TTC28: variants seen among roughly 807,000 people sequenced by gnomAD.
TTC28 encodes tetratricopeptide repeat protein 28.
A neutral mutation model predicts 198.0 loss-of-function variants in TTC28; 61 were observed. The ratio of observed to expected loss-of-function variants is 0.31; its 90% confidence interval spans 0.25 to 0.38. TTC28 has a LOEUF of 0.38. Ranked by LOEUF, TTC28 falls within the 10% of genes least tolerant of loss-of-function variation. TTC28 has a pLI of 1.00. For synonymous variants in TTC28, 1,171 were observed against 1,297.8 expected, an observed-to-expected ratio of 0.90 and a Z score of 2.10; for missense variants, 2,678 against 3,164.0, an observed-to-expected ratio of 0.85 and a Z score of 3.69.
rs559564968 is a variant in TTC28 at position 28,343,699 on chromosome 22, A to G, written c.382-37056T>C. ...ATTTGTAACATGTGAAAACATCTATAAACATCTACTGGAGCCTGTTCTGTC... is the reference window on the plus strand; with the variant it reads ...ATTTGTAACATGTGAAAACATCTATGAACATCTACTGGAGCCTGTTCTGTC... On this transcript the variant is annotated intron_variant, in intron 2 of 22. Transcript: ENST00000397906. 5.3e-5 allele frequency among the ~76,000 whole-genome samples: 8 copies of G among 152,300 alleles called. No individual in the cohort carries two copies. In the East Asian group the frequency reaches 1.4e-3, roughly 26 times the overall value.
intron 12 of TTC28, among the ~76,000 whole-genome samples, chr22:28,080,440 T>C (rs148662521): frequency 0.011 from 1,609 of 152,348 alleles, 30 homozygotes; most frequent in African/African-American, 0.036. Flanking sequence ...TGATTAGTAA[T>C]GCTGAACATC....
At chr22:28,461,821 C>T (rs760927206) in intron 2 of TTC28, among the ~76,000 whole-genome samples, 3 of 152,186 alleles carry the variant, frequency 2.0e-5, no homozygotes, top group Admixed American at 1.3e-4. Context: ...TTACTCCATA[C>T]ATTGTGCTCT....
chr22:28,018,293 G>A (rs1267477130), intron 13 of TTC28, among the ~76,000 whole-genome samples: 11 of 129,978 alleles, frequency 8.5e-5, no homozygotes, highest in African/African-American at 1.8e-4. Flanking sequence ...GTGTGCGCGC[G>A]TGTGTGCGCG....
At chr22:28,527,514 A>T (rs2049028276) in intron 2 of TTC28, among the ~76,000 whole-genome samples, 1 of 152,090 alleles carries the variant, frequency 6.6e-6, no homozygotes, top group African/African-American at 2.4e-5. Flanking sequence ...AATGGGCTAC[A>T]ACTACATCTT....
Position 28,564,110 on chromosome 22 carries a change from G to A in TTC28, c.381+65442C>T, listed in dbSNP as rs562583060. ...GTAAATCTACAGAATGTAGATTGGTGGTTGCCAGGGGCTGATGGAAGAGGA... is the reference window on the plus strand; with the variant it reads ...GTAAATCTACAGAATGTAGATTGGTAGTTGCCAGGGGCTGATGGAAGAGGA... On this transcript the variant is annotated intron_variant, in intron 2 of 22. Transcript: ENST00000397906. Among the ~76,000 whole-genome samples the A allele has an allele frequency of 2.6e-5, 4 of 152,216 alleles. No individual in the cohort carries two copies. The South Asian group carries it at 8.3e-4, about 32-fold the overall frequency.
At chr22:28,189,077 T>A (rs1221014309) in intron 5 of TTC28, among the ~76,000 whole-genome samples, 1 of 152,092 alleles carries the variant, frequency 6.6e-6, no homozygotes, top group African/African-American at 2.4e-5. Context: ...TTGGGCACAG[T>A]AAGCGCATGC....
At chr22:28,056,932 G>A (rs1349349141) in intron 12 of TTC28, among the ~76,000 whole-genome samples, 1 of 152,112 alleles carries the variant, frequency 6.6e-6, no homozygotes, top group Non-Finnish European at 1.5e-5. Context: ...AATTAACAAA[G>A]TATTTTTCGG....
chr22:28,113,050 C>G (rs1942529634), intron 6 of TTC28, among the ~76,000 whole-genome samples: 1 of 152,186 alleles, frequency 6.6e-6, no homozygotes, highest in Non-Finnish European at 1.5e-5. Context: ...GCCTAAGTGC[C>G]TCAGACATAG....
intron 2 of TTC28, among the ~76,000 whole-genome samples, chr22:28,347,802 G>C (rs2145923492): frequency 6.6e-6 from 1 of 152,366 alleles, no homozygotes; most frequent in Non-Finnish European, 1.5e-5. Context: ...GAACCCAGGA[G>C]GCGGAGGCTG....
Position 28,670,704 on chromosome 22 carries a change from C to CATATAT in TTC28, c.102+8912_102+8917dup, listed in dbSNP as rs146059811. Among the ~76,000 whole-genome samples the CATATAT allele has an allele frequency of 4.6e-3, 597 of 128,580 alleles. 21 individuals carry two copies. The highest frequency in any genetic ancestry group is 8.2e-3 in the African/African-American group (279 of 34,068). The allele number at this position is 128,580 out of a possible 152,430, so 84.4% of individuals were successfully genotyped here. A position where few individuals can be genotyped will look rare whatever the true frequency, so the allele number is the denominator to read the frequency against. ...AACAATTGTTTTGATGTCTTTAGGG[C>CATATAT]ATATATATATATATATATATGAGTG... On this transcript the variant is annotated intron_variant, in intron 1 of 22. Transcript: ENST00000397906.
At chr22:28,542,381 C>T (rs2049433618) in intron 2 of TTC28, among the ~76,000 whole-genome samples, 1 of 151,872 alleles carries the variant, frequency 6.6e-6, no homozygotes, top group Non-Finnish European at 1.5e-5. Flanking sequence ...GGAGGAACAA[C>T]AAAAATCTGA....
intron 5 of TTC28, among the ~76,000 whole-genome samples, chr22:28,219,605 C>T (rs1488411044): frequency 6.6e-6 from 1 of 151,954 alleles, no homozygotes; most frequent in South Asian, 2.1e-4. Context: ...TAGGTGTTCA[C>T]GAAATGTTAT....
At chr22:28,493,443 G>C (rs1307205773) in intron 2 of TTC28, among the ~76,000 whole-genome samples, 2 of 151,972 alleles carry the variant, frequency 1.3e-5, no homozygotes, top group African/African-American at 4.8e-5. Flanking sequence ...GTGAAAACAG[G>C]AAAATAAGGG....
At chr22:28,398,135 C>T (rs866608340) in intron 2 of TTC28, among the ~76,000 whole-genome samples, 5 of 152,134 alleles carry the variant, frequency 3.3e-5, no homozygotes, top group African/African-American at 4.8e-5. Context: ...CACTGGTCCC[C>T]GCCCCATTCC....
At chr22:28,648,666 T>C (rs2051517411) in intron 1 of TTC28, among the ~76,000 whole-genome samples, 1 of 152,218 alleles carries the variant, frequency 6.6e-6, no homozygotes, top group African/African-American at 2.4e-5. Flanking sequence ...TCCAGCACTT[T>C]GGAAGGCCAA....
At chr22:28,055,373 A>G (rs1027807201) in intron 12 of TTC28, among the ~76,000 whole-genome samples, 1 of 152,204 alleles carries the variant, frequency 6.6e-6, no homozygotes, top group Admixed American at 6.5e-5. Context: ...AAGGAGCTCT[A>G]TGTATGAGAC....
At chr22:28,101,951 G>C (rs1942169512) in intron 8 of TTC28, among the ~76,000 whole-genome samples, 1 of 152,160 alleles carries the variant, frequency 6.6e-6, no homozygotes, top group Admixed American at 6.5e-5. Context: ...CCCAGGTGAT[G>C]GCTATCAGCA....
At chr22:28,308,901 T>C (rs2045198827) in intron 2 of TTC28, among the ~76,000 whole-genome samples, 2 of 152,300 alleles carry the variant, frequency 1.3e-5, no homozygotes, top group South Asian at 2.1e-4. Context: ...CCTGTAAAGA[T>C]AGCATAATGA....
chr22:28,045,285 T>A (rs1402973059), intron 12 of TTC28, among the ~76,000 whole-genome samples: 1 of 152,272 alleles, frequency 6.6e-6, no homozygotes, highest in Non-Finnish European at 1.5e-5. Flanking sequence ...TTCAAAAACC[T>A]GAAATCTGAC....
Sources: allele counts gnomAD v4.1 joint callset (sites outside exome capture counted in the v4.1 genomes callset), GRCh38; gene constraint gnomAD v4.1.1; transcripts MANE v1.5; gene names NCBI Gene and HGNC (gene_info 2026-07-23, HGNC 2026-07-21).